Variants in TJP1 observed in about 807,000 individuals in gnomAD.
TJP1 encodes tight junction protein ZO-1.
Under a neutral mutation model 194.2 loss-of-function variants are expected in TJP1, and 43 were observed. The observed-to-expected ratio is 0.22, with a 90% CI of 0.17 to 0.29. The LOEUF (loss-of-function observed/expected upper bound fraction) is 0.29. Ranked by LOEUF, TJP1 falls within the 10% of genes least tolerant of loss-of-function variation. The pLI, the probability that TJP1 is intolerant of heterozygous loss-of-function variation, is 1.00. For missense variants in TJP1, 1,971 were observed against 2,185.7 expected (o/e 0.90, Z 1.96); for synonymous variants, 801 against 779.0 (o/e 1.03, Z -0.47).
At chr15:29,906,725 G>A (rs958936627) in intron 2 of TJP1, among the ~76,000 whole-genome samples, 5 of 151,738 alleles carry the variant, frequency 3.3e-5, no homozygotes, top group South Asian at 4.2e-4. Context: ...GACCACAGGT[G>A]TGTATCACCA....
At chr15:29,870,079 C>T (rs1464743693) in intron 2 of TJP1, among the ~76,000 whole-genome samples, 2 of 150,454 alleles carry the variant, frequency 1.3e-5, no homozygotes, top group Non-Finnish European at 3.0e-5. Flanking sequence ...CACCACCCCG[C>T]CCCCCACCGC....
chr15:29,807,129 T>G lies in TJP1; in HGVS notation c.28-6427A>C, dbSNP rs79819982. Among the ~76,000 whole-genome samples the G allele has an allele frequency of 3.7e-3, 560 of 152,302 alleles. 15 individuals carry two copies. In the East Asian group the frequency reaches 0.075, roughly 21 times the overall value. On this transcript the variant is annotated intron_variant, in intron 1 of 27. Transcript: ENST00000614355. ...ACAAATGTATCACTGTGTCCATCCC[T>G]TGGTTAACAGTTTAGGAAACAAATG...
intron 2 of TJP1, among the ~76,000 whole-genome samples, chr15:29,781,665 G>T (rs569779019): frequency 9.6e-4 from 146 of 152,274 alleles, no homozygotes; most frequent in African/African-American, 3.4e-3. Flanking sequence ...TTCAACATAT[G>T]CAAATCATTA....
chr15:29,799,468 G>A (rs939958053), intron 2 of TJP1, among the ~76,000 whole-genome samples: 2 of 151,070 alleles, frequency 1.3e-5, no homozygotes, highest in Non-Finnish European at 2.9e-5. Flanking sequence ...AGGCTGGAGT[G>A]CAGTGGCATG....
At chr15:29,843,344 C>A (rs1055868822) in intron 2 of TJP1, among the ~76,000 whole-genome samples, 1 of 151,866 alleles carries the variant, frequency 6.6e-6, no homozygotes, top group African/African-American at 2.4e-5. Flanking sequence ...TGCCCACCAC[C>A]ACACCTGGCT....
At chr15:29,915,239 G>A (rs951673219) in intron 2 of TJP1, among the ~76,000 whole-genome samples, 12 of 152,200 alleles carry the variant, frequency 7.9e-5, no homozygotes, top group Admixed American at 7.9e-4. Flanking sequence ...AAATAGCCTG[G>A]GACTTCTGTC....
intron 2 of TJP1, among the ~76,000 whole-genome samples, chr15:29,784,219 G>C (rs2047555391): frequency 6.6e-6 from 1 of 152,120 alleles, no homozygotes; most frequent in East Asian, 1.9e-4. Context: ...TGAGTTATCT[G>C]AGAATATCAA....
intron 2 of TJP1, among the ~76,000 whole-genome samples, chr15:29,937,182 T>G (rs2054913811): frequency 6.6e-6 from 1 of 152,156 alleles, no homozygotes; most frequent in African/African-American, 2.4e-5. Context: ...AGATCTCTGT[T>G]TAAGAGTCCC....
intron 2 of TJP1, among the ~76,000 whole-genome samples, chr15:29,929,683 C>T (rs1031977921): frequency 6.6e-5 from 10 of 151,112 alleles, no homozygotes; most frequent in Middle Eastern, 3.2e-3. Flanking sequence ...GGTGACAGGG[C>T]GAAACTCTGT....
intron 2 of TJP1, among the ~76,000 whole-genome samples, chr15:29,834,169 CTG>C: frequency 2.0e-5 from 3 of 150,912 alleles, no homozygotes; most frequent in African/African-American, 4.9e-5. Context: ...GCATGAGCCA[CTG>C]GGCCCGGCCG....
intron 1 of TJP1, among the ~76,000 whole-genome samples, chr15:29,811,073 T>G (rs1011438876): frequency 6.6e-6 from 1 of 151,954 alleles, no homozygotes; most frequent in Admixed American, 6.6e-5. Context: ...AAAGAGAAAG[T>G]TGACAGGAAG....
chr15:29,849,760 A>C (rs785451), intron 2 of TJP1, among the ~76,000 whole-genome samples: 4 of 151,058 alleles, frequency 2.6e-5, no homozygotes, highest in African/African-American at 9.7e-5. Flanking sequence ...AAAAAAAAAA[A>C]AGAGACAAGG....
At chr15:29,906,344 A>G (rs1443912853) in intron 2 of TJP1, among the ~76,000 whole-genome samples, 1 of 151,764 alleles carries the variant, frequency 6.6e-6, no homozygotes, top group African/African-American at 2.4e-5. Flanking sequence ...GTCATGATGC[A>G]CGCCTGTAAT....
intron 2 of TJP1, among the ~76,000 whole-genome samples, chr15:29,953,447 G>T (rs73373112): frequency 0.072 from 10,989 of 151,964 alleles, 1,190 homozygotes; most frequent in African/African-American, 0.24. Context: ...TGGCCAAAAA[G>T]ACAGAATTTT....
chr15:29,767,206 T>C (rs1049686218), intron 4 of TJP1, among the ~76,000 whole-genome samples: 3 of 152,146 alleles, frequency 2.0e-5, no homozygotes, highest in Non-Finnish European at 4.4e-5. Flanking sequence ...TGTCCACTTA[T>C]TTCCTTCATT....
At chr15:29,708,415 T>C in intron 25 of TJP1, 144 bp downstream of exon 25, 1 of 707,124 alleles carries the variant, frequency 1.4e-6, no homozygotes, top group Non-Finnish European at 2.4e-6. Flanking sequence ...ACCTTCTATG[T>C]AACAGCATTC....
At chr15:29,760,017 G>C (rs2045899164) in intron 8 of TJP1, 1 of 512,844 alleles carries the variant, frequency 1.9e-6, no homozygotes, top group South Asian at 3.2e-5. Context: ...GTTCGTTCTG[G>C]TTTTAATTTT....
chr15:29,723,875 C>T (rs371855698), intron 18 of TJP1, among the ~76,000 whole-genome samples: 62 of 152,280 alleles, frequency 4.1e-4, no homozygotes, highest in African/African-American at 1.4e-3. Context: ...TGGACACTAA[C>T]GTGACACTAG....
chr15:29,962,367 C>A lies in TJP1; in HGVS notation c.174-6003G>T, dbSNP rs567427798. Among the ~76,000 whole-genome samples, 19 of 152,342 alleles carry A rather than the reference C, an allele frequency of 1.2e-4. 1 individual carries two copies. In the East Asian group the frequency reaches 1.5e-3, roughly 12 times the overall value. On this transcript the variant is annotated intron_variant, in intron 1 of 28. Transcript: ENST00000356107. The stretch of plus-strand genomic sequence containing the variant: ...ACAACTCCCAAGCTCATCTACACCA[C>A]CCATTTCTAATTTCCAGTGGAAAAG...
Sources: allele counts gnomAD v4.1 joint callset (sites outside exome capture counted in the v4.1 genomes callset), GRCh38; gene constraint gnomAD v4.1.1; transcripts MANE v1.5; gene names NCBI Gene and HGNC (gene_info 2026-07-23, HGNC 2026-07-21).